PKIB: variants seen among roughly 807,000 people sequenced by gnomAD.
PKIB encodes the protein PKI-beta.
Under a neutral mutation model 4.5 loss-of-function variants are expected in PKIB, and 2 were observed. The observed-to-expected ratio is 0.44, with a 90% CI of 0.18 to 1.39. The LOEUF is 1.39. Ranked by LOEUF, PKIB falls within the 40% of genes most tolerant of loss-of-function variation. The probability of loss-of-function intolerance (pLI) is 0.27; values close to 1 mark genes in which losing one functional copy is unlikely to be tolerated. For synonymous variants in PKIB, 38 were observed against 36.0 expected (o/e 1.06, Z -0.20); for missense variants, 94 against 92.6 (o/e 1.02, Z -0.06).
chr6:122,581,495 T>A (rs924152366), intron 2 of PKIB, among the ~76,000 whole-genome samples: 4 of 152,146 alleles, frequency 2.6e-5, no homozygotes, highest in African/African-American at 9.7e-5. Context: ...CACAAAGGAC[T>A]TAAATAGATT....
chr6:122,551,730 T>C (rs1435379480), intron 2 of PKIB, among the ~76,000 whole-genome samples: 2 of 152,090 alleles, frequency 1.3e-5, no homozygotes, highest in African/African-American at 4.8e-5. Flanking sequence ...TTCCACCCAG[T>C]TTTCACACTG....
At chr6:122,558,163 T>C (rs1252841056) in intron 2 of PKIB, among the ~76,000 whole-genome samples, 1 of 152,220 alleles carries the variant, frequency 6.6e-6, no homozygotes, top group Non-Finnish European at 1.5e-5. Context: ...GGTTTAGTCA[T>C]GGCTGAATTT....
At chr6:122,574,152 C>G (rs1773459647) in intron 2 of PKIB, among the ~76,000 whole-genome samples, 1 of 152,150 alleles carries the variant, frequency 6.6e-6, no homozygotes, top group Non-Finnish European at 1.5e-5. Flanking sequence ...AAATCAAGAA[C>G]TCAATCCCTT....
intron 3 of PKIB, among the ~76,000 whole-genome samples, chr6:122,589,170 C>T (rs1196034706): frequency 6.6e-6 from 1 of 152,068 alleles, no homozygotes; most frequent in African/African-American, 2.4e-5. Context: ...GATGTTGCAG[C>T]AATGTTTGTA....
rs1773318515 is a variant in PKIB at position 122,570,175 on chromosome 6, C to G, written c.-247-15746C>G. ...ACATTCTTACAGATGAAAAGAGGAG[C>G]CTGTCTAACCTGAATAGCCAGAACA... On this transcript the variant is annotated intron_variant, in intron 2 of 6. Coordinates refer to the PKIB transcript ENST00000392491. 2.6e-5 allele frequency among the ~76,000 whole-genome samples: 4 copies of G among 152,168 alleles called. No homozygotes were observed. The South Asian group carries it at 6.2e-4, about 24-fold the overall frequency.
chr6:122,569,369 T>C (rs770911665), intron 2 of PKIB, among the ~76,000 whole-genome samples: 1 of 152,166 alleles, frequency 6.6e-6, no homozygotes, highest in Non-Finnish European at 1.5e-5. Context: ...AACAGTCCAT[T>C]ACAGCACCTC....
chr6:122,605,775 G>A (rs920024856), upstream of PKIB, among the ~76,000 whole-genome samples: 1 of 152,164 alleles, frequency 6.6e-6, no homozygotes, highest in African/African-American at 2.4e-5. Flanking sequence ...CCCCAAGGCA[G>A]ATAGCTACTC....
chr6:122,610,372 C>T (rs1173213387), upstream of PKIB: 1 of 152,302 alleles, frequency 6.6e-6, no homozygotes, highest in Non-Finnish European at 1.5e-5. Flanking sequence ...CGAGTAGCTG[C>T]CACCGCCTGG....
intron 2 of PKIB, among the ~76,000 whole-genome samples, chr6:122,570,551 G>C (rs1284965659): frequency 2.0e-5 from 3 of 152,158 alleles, no homozygotes; most frequent in Non-Finnish European, 4.4e-5. Context: ...ATATGAGACA[G>C]TGAACTTGCC....
exon 1 of PKIB, chr6:122,471,940 C>G: frequency 1.7e-6 from 2 of 1,198,094 alleles, no homozygotes; most frequent in South Asian, 1.7e-5. Context: ...CGTCACTAGA[C>G]GACACGGCTG....
At chr6:122,554,328 G>C (rs1319217252) in intron 2 of PKIB, among the ~76,000 whole-genome samples, 1 of 152,182 alleles carries the variant, frequency 6.6e-6, no homozygotes, top group African/African-American at 2.4e-5. Context: ...GCTTTGAAAT[G>C]TAGATATTTA....
intron 1 of PKIB, among the ~76,000 whole-genome samples, chr6:122,619,423 C>CT (rs34255330): frequency 5.8e-4 from 86 of 147,450 alleles, no homozygotes; most frequent in South Asian, 1.5e-3. Flanking sequence ...AATGGCTAGC[C>CT]TTTTTTTTTT....
chr6:122,703,101 C>A lies in PKIB; in HGVS notation c.-8-14686C>A, dbSNP rs79743379. On this transcript the variant is annotated intron_variant, in intron 3 of 4. Coordinates refer to ENST00000368452, the MANE Select transcript of PKIB (RefSeq NM_181795.3). Reference sequence around the variant, plus strand: ...TACGAAACAAGCTTCAATGTATCAGCTCTATTCTGTGAAATGCCCTTTAAG... The same window carrying A: ...TACGAAACAAGCTTCAATGTATCAGATCTATTCTGTGAAATGCCCTTTAAG... Among the ~76,000 whole-genome samples the A allele has an allele frequency of 6.4e-4, 98 of 152,204 alleles. 1 individual carries two copies. The East Asian group carries it at 0.016, about 25-fold the overall frequency.
At chr6:122,534,015 C>T (rs867036251) in intron 2 of PKIB, among the ~76,000 whole-genome samples, 1 of 151,902 alleles carries the variant, frequency 6.6e-6, no homozygotes, top group Non-Finnish European at 1.5e-5. Context: ...CTCTCTCCCC[C>T]AACTGCCAAT....
chr6:122,665,005 G>A (rs1378615528), intron 2 of PKIB, among the ~76,000 whole-genome samples: 1 of 152,164 alleles, frequency 6.6e-6, no homozygotes, highest in Non-Finnish European at 1.5e-5. Context: ...GTGAATGGCA[G>A]CCATGAAGTA....
At chr6:122,543,045 C>T (rs1777657081) in intron 2 of PKIB, among the ~76,000 whole-genome samples, 1 of 152,072 alleles carries the variant, frequency 6.6e-6, no homozygotes, top group African/African-American at 2.4e-5. Context: ...TCCTGGTGTG[C>T]CATTTTTTAA....
At chr6:122,505,089 A>G (rs914671898) in intron 2 of PKIB, among the ~76,000 whole-genome samples, 9 of 152,220 alleles carry the variant, frequency 5.9e-5, no homozygotes, top group African/African-American at 1.9e-4. Context: ...GGCGTTATCT[A>G]TAGTAATAGT....
At chr6:122,489,173 T>G (rs1293691701) in intron 2 of PKIB, among the ~76,000 whole-genome samples, 2 of 151,956 alleles carry the variant, frequency 1.3e-5, no homozygotes, top group African/African-American at 4.8e-5. Flanking sequence ...ATTAATAGAT[T>G]TTTTTAAAGA....
chr6:122,613,886 C>G (rs959879778), intron 1 of PKIB, among the ~76,000 whole-genome samples: 1 of 147,184 alleles, frequency 6.8e-6, no homozygotes, highest in Non-Finnish European at 1.5e-5. Context: ...TCGCTTGAAC[C>G]CAGGAGGCAG....
Sources: allele counts gnomAD v4.1 joint callset (sites outside exome capture counted in the v4.1 genomes callset), GRCh38; gene constraint gnomAD v4.1.1; transcripts MANE v1.5; gene names NCBI Gene and HGNC (gene_info 2026-07-23, HGNC 2026-07-21).